FBP1: variants seen among roughly 807,000 people sequenced by gnomAD.
FBP1 encodes the protein fructose-bisphosphatase 1.
Under a neutral mutation model 29.9 loss-of-function variants are expected in FBP1, and 22 were observed. The ratio of observed to expected loss-of-function variants is 0.74; its 90% confidence interval spans 0.53 to 1.05. The LOEUF (loss-of-function observed/expected upper bound fraction) is 1.05, where lower values mean the gene tolerates loss of function less well. Among genes scored for constraint, FBP1 ranks in the 50% least tolerant of loss-of-function variants. The pLI is 0.00. For synonymous variants in FBP1, 175 were observed against 178.6 expected, an observed-to-expected ratio of 0.98 and a Z score of 0.16; for missense variants, 345 against 448.2, an observed-to-expected ratio of 0.77 and a Z score of 2.08.
chr9:94,610,240 C>T (rs1827764825), intron 3 of FBP1, among the ~76,000 whole-genome samples, 179 bp from the exon 4 acceptor site: 1 of 152,228 alleles, frequency 6.6e-6, no homozygotes, highest in Non-Finnish European at 1.5e-5. Context: ...GCAGCCTTCC[C>T]ACCAGAACCC....
rs183092760 is a variant in FBP1, at chr9:94,617,774, A to G, written c.420T>C (p.Tyr140=). The change falls in exon 3 of 7, where the codon TAT becomes TAC. Residue 140 remains tyrosine (Y), a synonymous_variant. Transcript: ENST00000375326. The part of the protein sequence containing the change: ...LVSVGTIFGI[Y]RKKSTDEPSE... ...TTAAGATATCACGTTTTACCTTTCT[A>G]TAGATGCCAAAAATGGTTCCAACGG... is the stretch of plus-strand genomic sequence containing the variant. 1.8e-5 allele frequency: 29 copies of G among 1,610,394 alleles called. No homozygotes were observed. The East Asian group carries it at 4.9e-4, about 27-fold the overall frequency.
chr9:94,639,724 G>GC (rs201122081), upstream of FBP1, among the ~76,000 whole-genome samples: 2 of 140,194 alleles, frequency 1.4e-5, no homozygotes, highest in Non-Finnish European at 3.1e-5. Flanking sequence ...CTGGGCTGTC[G>GC]CCCCCCACAC....
At chr9:94,612,472 C>A (rs1386179629) in intron 3 of FBP1, among the ~76,000 whole-genome samples, 3 of 152,022 alleles carry the variant, frequency 2.0e-5, no homozygotes, top group Admixed American at 2.0e-4. Flanking sequence ...TGTCTATGAC[C>A]CACATACTCA....
chr9:94,603,875 T>C (rs1827651482), intron 6 of FBP1: 5 of 409,234 alleles, frequency 1.2e-5, no homozygotes, highest in South Asian at 1.0e-4. Flanking sequence ...GAAGCGATCA[T>C]TGCCTTCTCT....
At chr9:94,622,838 G>A (rs1827968055) in intron 1 of FBP1, among the ~76,000 whole-genome samples, 1 of 152,102 alleles carries the variant, frequency 6.6e-6, no homozygotes, top group African/African-American at 2.4e-5. Context: ...CAGGAAGAAG[G>A]CAGCCAAAAT....
chr9:94,614,020 G>C (rs1247902031), intron 3 of FBP1, among the ~76,000 whole-genome samples: 1 of 150,178 alleles, frequency 6.7e-6, no homozygotes, highest in Non-Finnish European at 1.5e-5. Context: ...GGCAGGGCTT[G>C]CAGTGAGCCG....
rs1587859377 is a variant in FBP1, at chr9:94,617,978, T to C, written c.334-118A>G. 2.0e-5 allele frequency: 15 copies of C among 768,514 alleles called. No homozygotes were observed. In the East Asian group the frequency reaches 4.0e-4, roughly 20 times the overall value. The allele number at this position is 768,514 out of a possible 1,614,324, so 47.6% of individuals were successfully genotyped here. On this transcript the variant is annotated intron_variant, in intron 2 of 6. Coordinates refer to ENST00000375326, the MANE Select transcript of FBP1 (RefSeq NM_000507.4). ...GAAAGTTCAAAAAATGTGGGTCTTA[T>C]TTATTTGTACTGTCATGGAAGGCAT... is the stretch of plus-strand genomic sequence containing the variant.
intron 1 of FBP1, among the ~76,000 whole-genome samples, chr9:94,624,098 G>A (rs999520734): frequency 2.0e-5 from 3 of 151,846 alleles, no homozygotes; most frequent in African/African-American, 7.3e-5. Context: ...CACTTTGGGA[G>A]GCCGAGGTGG....
chr9:94,606,310 G>A (rs999215518), intron 5 of FBP1, among the ~76,000 whole-genome samples: 1 of 152,136 alleles, frequency 6.6e-6, no homozygotes, highest in South Asian at 2.1e-4. Flanking sequence ...GGGCACTCTC[G>A]GTCTCGAGAT....
At chr9:94,615,546 C>A (rs1455168402) in intron 3 of FBP1, among the ~76,000 whole-genome samples, 2 of 152,186 alleles carry the variant, frequency 1.3e-5, no homozygotes, top group East Asian at 1.9e-4. Flanking sequence ...AAATTGCATT[C>A]TTCCATGTCT....
intron 3 of FBP1, among the ~76,000 whole-genome samples, chr9:94,611,920 T>C (rs894866780): frequency 1.3e-5 from 2 of 152,156 alleles, no homozygotes; most frequent in East Asian, 3.8e-4. Flanking sequence ...CTCATATAAA[T>C]GAGAAAACCA....
In FBP1 at chr9:94,603,348, A is replaced by C. The variant is rs1303497359; in HGVS notation, c.*33T>G. 1 of 1,584,410 alleles carries C rather than the reference A, an allele frequency of 6.3e-7. No individual in the cohort carries two copies. Among genetic ancestry groups the C allele is most frequent in the Non-Finnish European group, 8.6e-7 (1 of 1,156,298 alleles). On this transcript the variant is annotated 3_prime_UTR_variant, in exon 7 of 7. Coordinates refer to ENST00000375326, the MANE Select transcript of FBP1 (RefSeq NM_000507.4). ...TGTGTGAGACAAAAGGTCCAGGTAGAGGCAATTCTCCGGATGCAGGCAGGG... is the reference window on the plus strand; with the variant it reads ...TGTGTGAGACAAAAGGTCCAGGTAGCGGCAATTCTCCGGATGCAGGCAGGG...
intron 3 of FBP1, among the ~76,000 whole-genome samples, chr9:94,614,131 G>T (rs1311309152): frequency 4.2e-5 from 6 of 141,498 alleles, no homozygotes; most frequent in Admixed American, 3.7e-4. Context: ...GGAAGAAGAA[G>T]AGGAGGGAGA....
chr9:94,621,404 T>C (rs939300979), intron 1 of FBP1, among the ~76,000 whole-genome samples: 1 of 134,096 alleles, frequency 7.5e-6, no homozygotes, highest in African/African-American at 3.7e-5. Context: ...TAAAAATATA[T>C]ATATTTTTAG....
At position 94,639,447 on chromosome 9, in the gene FBP1, G is replaced by T; in HGVS notation, c.-137C>A. On this transcript the variant is annotated 5_prime_UTR_variant, in exon 1 of 7. Coordinates refer to ENST00000375326, the MANE Select transcript of FBP1 (RefSeq NM_000507.4). ...TGCGGGCGGCAGGTGCGGGCCGCGG[G>T]ACCTGGCGGGAGGACTGACAGACCG... 1 of 988,846 alleles carries T rather than the reference G, an allele frequency of 1.0e-6. No homozygotes were observed. The highest frequency in any genetic ancestry group is 1.5e-6 in the Non-Finnish European group (1 of 648,082). The allele number at this position is 988,846 out of a possible 1,614,324, so 61.3% of individuals were successfully genotyped here.
chr9:94,631,715 G>C (rs1344557592), intron 1 of FBP1, among the ~76,000 whole-genome samples: 2 of 152,134 alleles, frequency 1.3e-5, no homozygotes, highest in African/African-American at 2.4e-5. Flanking sequence ...AACCAGACTC[G>C]GGCTCGGAAC....
intron 1 of FBP1, among the ~76,000 whole-genome samples, chr9:94,627,510 G>A (rs540218708): frequency 6.6e-6 from 1 of 152,320 alleles, no homozygotes; most frequent in South Asian, 2.1e-4. Context: ...AATAGCAGGT[G>A]TGGGTCTCAG....
rs544383528 is a variant in FBP1, at chr9:94,631,720, C to T, written c.170+7421G>A. Among the ~76,000 whole-genome samples the T allele has an allele frequency of 3.3e-5, 5 of 152,244 alleles. No homozygotes were observed. The South Asian group carries it at 8.3e-4, about 25-fold the overall frequency. On this transcript the variant is annotated intron_variant, in intron 1 of 6. Transcript: ENST00000375326. ...CACACAGAAGAACCAGACTCGGGCT[C>T]GGAACACGCAGCTCAACCAAAAGGG...
chr9:94,637,579 C>CG (rs1828210785), intron 1 of FBP1, among the ~76,000 whole-genome samples: 2 of 151,768 alleles, frequency 1.3e-5, no homozygotes, highest in South Asian at 4.2e-4. Flanking sequence ...TTGGTAGAGA[C>CG]GGGGTTTCAC....
Sources: gnomAD v4.1 joint callset for allele counts (sites outside exome capture counted in the v4.1 genomes callset) on GRCh38, gnomAD v4.1.1 for gene constraint, MANE v1.5 for transcripts, NCBI Gene and HGNC (gene_info 2026-07-23, HGNC 2026-07-21) for gene names.